DGKB: variants seen among roughly 807,000 people sequenced by gnomAD.
DGKB encodes the protein diacylglycerol kinase beta.
In DGKB, 67 loss-of-function variants were observed where a neutral mutation model predicts 114.3. The observed-to-expected ratio is 0.59, with a 90% CI of 0.48 to 0.72. The LOEUF (loss-of-function observed/expected upper bound fraction) is 0.72. DGKB is among the 30% of genes least tolerant of loss of function. The pLI is 0.00. For missense variants in DGKB, 907 were observed against 975.2 expected (o/e 0.93, Z 0.93); for synonymous variants, 398 against 323.1 (o/e 1.23, Z -2.49).
intron 13 of DGKB, among the ~76,000 whole-genome samples, chr7:14,669,397 C>A (rs1328304059): frequency 6.6e-6 from 1 of 152,130 alleles, no homozygotes; most frequent in Non-Finnish European, 1.5e-5. Context: ...CCCCCCAGTG[C>A]CTTTGAGATC....
intron 5 of DGKB, among the ~76,000 whole-genome samples, chr7:14,724,551 C>A (rs1311824556): frequency 6.6e-6 from 1 of 152,044 alleles, no homozygotes; most frequent in African/African-American, 2.4e-5. Context: ...TTGGCAAAAA[C>A]CCCAAACAAG....
chr7:14,907,737 G>A (rs183247387), upstream of DGKB, among the ~76,000 whole-genome samples: 60 of 152,296 alleles, frequency 3.9e-4, no homozygotes, highest in East Asian at 0.01. Flanking sequence ...GGGGCAGCAA[G>A]CTTATTGTTG....
intron 23 of DGKB, among the ~76,000 whole-genome samples, chr7:14,313,376 T>G (rs1361265152): frequency 6.6e-6 from 1 of 151,876 alleles, no homozygotes; most frequent in South Asian, 2.1e-4. Flanking sequence ...TTCATCTCAC[T>G]AGGGAGCGCC....
At chr7:14,717,247 C>T (rs1355487388) in intron 6 of DGKB, among the ~76,000 whole-genome samples, 1 of 152,048 alleles carries the variant, frequency 6.6e-6, no homozygotes, top group Non-Finnish European at 1.5e-5. Flanking sequence ...GACTAAATAC[C>T]ATCTTGGGGA....
At chr7:14,922,885 C>A (rs1241245783) in intron 1 of DGKB, among the ~76,000 whole-genome samples, 1 of 152,114 alleles carries the variant, frequency 6.6e-6, no homozygotes, top group Admixed American at 6.5e-5. Context: ...TCTATTCTTT[C>A]AGCAATTTTG....
chr7:14,919,095 A>ACACACACAAACACACACAC (rs1554345122), intron 1 of DGKB, among the ~76,000 whole-genome samples: 1 of 114,920 alleles, frequency 8.7e-6, no homozygotes, highest in African/African-American at 3.6e-5. Flanking sequence ...CACACACACA[A>ACACACACAAACACACACAC]ACACACACAC....
At chr7:14,444,534 C>T (rs1251426193) in intron 21 of DGKB, among the ~76,000 whole-genome samples, 1 of 151,800 alleles carries the variant, frequency 6.6e-6, no homozygotes. Context: ...TTTCTCTAAA[C>T]TTCAGTTTCC....
At chr7:14,588,847 A>G (rs1347990353) in intron 17 of DGKB, among the ~76,000 whole-genome samples, 1 of 152,062 alleles carries the variant, frequency 6.6e-6, no homozygotes, top group Non-Finnish European at 1.5e-5. Context: ...GGCATGAAGA[A>G]TCTTACCAAT....
intron 25 of DGKB, among the ~76,000 whole-genome samples, chr7:14,167,781 T>A (rs1443655814): frequency 6.6e-6 from 1 of 152,214 alleles, no homozygotes; most frequent in Non-Finnish European, 1.5e-5. Flanking sequence ...GAGCAGCTTT[T>A]GTAACCTGAA....
intron 1 of DGKB, among the ~76,000 whole-genome samples, chr7:14,873,499 C>T (rs1852792544): frequency 6.6e-6 from 1 of 151,904 alleles, no homozygotes; most frequent in South Asian, 2.1e-4. Context: ...TCAAGTATAA[C>T]AAACTATAGA....
intron 21 of DGKB, among the ~76,000 whole-genome samples, chr7:14,439,012 G>A (rs1401387068): frequency 6.7e-6 from 1 of 149,146 alleles, no homozygotes; most frequent in Non-Finnish European, 1.5e-5. Context: ...TTTAGTTCAA[G>A]TTTTTTCCAA....
chr7:14,467,379 A>C (rs886116772), intron 21 of DGKB, among the ~76,000 whole-genome samples: 2 of 151,074 alleles, frequency 1.3e-5, no homozygotes, highest in African/African-American at 4.8e-5. Flanking sequence ...ACATCAAAGA[A>C]TCCTATTGAA....
intron 1 of DGKB, among the ~76,000 whole-genome samples, chr7:14,881,621 G>A (rs924805513): frequency 8.5e-5 from 13 of 152,054 alleles, no homozygotes; most frequent in Admixed American, 7.9e-4. Flanking sequence ...TGTGTAGAAT[G>A]CTAGTTGTTT....
At chr7:14,698,230 C>T (rs1824430605) in intron 7 of DGKB, 61 bp from the exon 8 acceptor site, 1 of 1,052,596 alleles carries the variant, frequency 9.5e-7, no homozygotes, top group South Asian at 1.5e-5. Flanking sequence ...TTAAATCTTT[C>T]ACTTGCAGAA....
At chr7:14,630,175 C>A (rs1317585891) in intron 14 of DGKB, 61 bp downstream of exon 14, 2 of 1,107,778 alleles carry the variant, frequency 1.8e-6, no homozygotes, top group Non-Finnish European at 1.3e-6. Context: ...TTCTTTACAG[C>A]AATACAAGAT....
intron 4 of DGKB, among the ~76,000 whole-genome samples, chr7:14,739,497 T>C (rs1832234775): frequency 6.6e-6 from 1 of 152,162 alleles, no homozygotes; most frequent in South Asian, 2.1e-4. Flanking sequence ...TGTTGAGAGC[T>C]TTCCTTTCTC....
At chr7:14,644,899 A>C (rs1812613300) in intron 13 of DGKB, among the ~76,000 whole-genome samples, 1 of 152,178 alleles carries the variant, frequency 6.6e-6, no homozygotes, top group Admixed American at 6.5e-5. Context: ...CGATGGCGAC[A>C]GGGGACAGAC....
Position 14,796,281 on chromosome 7 carries a change from T to C in DGKB, c.71-38550A>G, listed in dbSNP as rs78310451. 7.7e-4 allele frequency among the ~76,000 whole-genome samples: 118 copies of C among 152,292 alleles called. 1 individual carries two copies. In the East Asian group the frequency reaches 0.023, roughly 29 times the overall value. ...AAAATTTATCTTTTGCATTCTCTAC[T>C]TGAAGAAGATCAATAATTAACAGCA... is the stretch of plus-strand genomic sequence containing the variant. On this transcript the variant is annotated intron_variant, in intron 2 of 25. Coordinates refer to ENST00000402815, the MANE Select transcript of DGKB (RefSeq NM_001350709.2).
chr7:14,256,217 G>C (rs1309506569), intron 23 of DGKB, among the ~76,000 whole-genome samples: 3 of 151,700 alleles, frequency 2.0e-5, no homozygotes, highest in Non-Finnish European at 4.4e-5. Flanking sequence ...CTGCATTACT[G>C]CCATTTTCCT....
Sources: allele counts gnomAD v4.1 joint callset (sites outside exome capture counted in the v4.1 genomes callset), GRCh38; gene constraint gnomAD v4.1.1; transcripts MANE v1.5; gene names NCBI Gene and HGNC (gene_info 2026-07-23, HGNC 2026-07-21).